The following MAPRE2 variants were observed in gnomAD, a reference collection of about 807,000 sequenced individuals.
MAPRE2 encodes the protein microtubule-associated protein RP/EB family member 2.
A neutral mutation model predicts 43.2 loss-of-function variants in MAPRE2; 13 were observed. The ratio of observed to expected loss-of-function variants is 0.30; its 90% confidence interval spans 0.20 to 0.48. The LOEUF is 0.48. Among genes scored for constraint, MAPRE2 ranks in the 20% least tolerant of loss-of-function variants. The pLI is 0.99. For synonymous variants in MAPRE2, 135 were observed against 148.8 expected, an observed-to-expected ratio of 0.91 and a Z score of 0.68; for missense variants, 161 against 400.2, an observed-to-expected ratio of 0.40 and a Z score of 5.10.
intron 6 of MAPRE2, among the ~76,000 whole-genome samples, chr18:35,136,634 CA>C (rs1255503584): frequency 6.6e-6 from 1 of 152,170 alleles, no homozygotes; most frequent in Admixed American, 6.5e-5. Context: ...ATGAGCAAAG[CA>C]GAGAAGAAAG....
chr18:35,092,328 A>G (rs1908191648), intron 2 of MAPRE2, among the ~76,000 whole-genome samples: 3 of 152,216 alleles, frequency 2.0e-5, no homozygotes, highest in African/African-American at 4.8e-5. Context: ...TTTGTAGCCA[A>G]CTGATTTTTG....
At chr18:35,038,517 A>G (rs2097051846), upstream of MAPRE2, among the ~76,000 whole-genome samples, 1 of 152,156 alleles carries the variant, frequency 6.6e-6, no homozygotes, top group African/African-American at 2.4e-5. Flanking sequence ...AGCCTATCCA[A>G]TGTCTCCCTT....
chr18:34,984,436 C>T (rs940361939), intron 1 of MAPRE2: 3 of 149,526 alleles, frequency 2.0e-5, no homozygotes, highest in African/African-American at 7.4e-5. Flanking sequence ...CAAAGGGATT[C>T]CTTTTTCACC....
chr18:35,020,344 C>T (rs796305258), intron 2 of MAPRE2, among the ~76,000 whole-genome samples: 22 of 152,194 alleles, frequency 1.4e-4, no homozygotes, highest in African/African-American at 5.3e-4. Context: ...TATGATTTTT[C>T]AAGGCAATGA....
intron 1 of MAPRE2, among the ~76,000 whole-genome samples, chr18:34,998,496 T>G (rs529667700): frequency 6.6e-6 from 1 of 152,008 alleles, no homozygotes; most frequent in East Asian, 1.9e-4. Context: ...CCCGCTAATT[T>G]TTTTATATTT....
chr18:35,067,281 AC>A (rs1264753730), intron 1 of MAPRE2, among the ~76,000 whole-genome samples: 9 of 152,168 alleles, frequency 5.9e-5, no homozygotes, highest in Non-Finnish European at 1.3e-4. Context: ...GCCTTGACTT[AC>A]CTTTGTGAGC....
At chr18:35,049,967 G>A (rs942603429) in intron 1 of MAPRE2, among the ~76,000 whole-genome samples, 1 of 152,056 alleles carries the variant, frequency 6.6e-6, no homozygotes, top group Non-Finnish European at 1.5e-5. Context: ...TTATTTATCT[G>A]TTTTGCTCTT....
chr18:35,020,418 G>T (rs1397164714), intron 2 of MAPRE2, among the ~76,000 whole-genome samples: 1 of 152,006 alleles, frequency 6.6e-6, no homozygotes, highest in Non-Finnish European at 1.5e-5. Flanking sequence ...TTCGCCCTTG[G>T]TGAGTGCCAT....
chr18:35,055,460 A>C (rs1377786510), intron 1 of MAPRE2, among the ~76,000 whole-genome samples: 1 of 152,084 alleles, frequency 6.6e-6, no homozygotes, highest in Non-Finnish European at 1.5e-5. Context: ...TCATATCTGC[A>C]AAGACCTTTT....
rs879118201 is a variant in MAPRE2 at position 35,041,463 on chromosome 18, G to A, written c.-77G>A. The A allele has an allele frequency of 7.5e-6, 12 of 1,609,904 alleles. No individual in the cohort carries two copies. The highest frequency in any genetic ancestry group is 2.7e-5 in the African/African-American group (2 of 74,894). On this transcript the variant is annotated 5_prime_UTR_variant, in exon 1 of 7. Transcript: ENST00000300249. ...CAGGCACGGTCCGTGCGGAGCAGGC[G>A]AGCGAGCGGGAAGACGCAGCCACCT...
At chr18:35,053,901 A>G (rs1906081922) in intron 1 of MAPRE2, among the ~76,000 whole-genome samples, 1 of 152,192 alleles carries the variant, frequency 6.6e-6, no homozygotes, top group Non-Finnish European at 1.5e-5. Flanking sequence ...GAGTTTACCT[A>G]TATAACAAAC....
intron 2 of MAPRE2, among the ~76,000 whole-genome samples, chr18:35,016,222 T>C (rs2097038167): frequency 6.6e-6 from 1 of 152,062 alleles, no homozygotes; most frequent in African/African-American, 2.4e-5. Context: ...CTAGGCAGAT[T>C]CCACATCTTC....
At chr18:35,077,270 CAT>C (rs10572516) in intron 2 of MAPRE2, among the ~76,000 whole-genome samples, 921 of 85,200 alleles carry the variant, frequency 0.011, 13 homozygotes, top group East Asian at 0.081. Flanking sequence ...CACACACACA[CAT>C]ACACACACAC....
intron 2 of MAPRE2, among the ~76,000 whole-genome samples, chr18:35,023,456 G>A (rs1014501510): frequency 6.6e-6 from 1 of 151,814 alleles, no homozygotes; most frequent in Non-Finnish European, 1.5e-5. Context: ...AGCTTGCAGT[G>A]AGCAGAGATT....
intron 1 of MAPRE2, among the ~76,000 whole-genome samples, chr18:34,997,230 G>C (rs560688176): frequency 6.6e-6 from 1 of 152,288 alleles, no homozygotes; most frequent in East Asian, 1.9e-4. Context: ...ATGAAAATTG[G>C]ATATTGCAAT....
intron 5 of MAPRE2, among the ~76,000 whole-genome samples, chr18:35,128,838 A>C (rs762026546): frequency 6.6e-6 from 1 of 152,104 alleles, no homozygotes; most frequent in Non-Finnish European, 1.5e-5. Flanking sequence ...AGCCCAAAGT[A>C]TAACCACGTG....
intron 1 of MAPRE2, among the ~76,000 whole-genome samples, chr18:35,066,202 C>T (rs1262271019): frequency 6.6e-6 from 1 of 152,128 alleles, no homozygotes; most frequent in Non-Finnish European, 1.5e-5. Flanking sequence ...TCCTACCTTC[C>T]ATAGGATGTT....
At chr18:35,080,235 G>T (rs1907565899) in intron 2 of MAPRE2, among the ~76,000 whole-genome samples, 1 of 152,182 alleles carries the variant, frequency 6.6e-6, no homozygotes, top group African/African-American at 2.4e-5. Flanking sequence ...TCTACACATT[G>T]CTTTATTTAT....
At chr18:35,047,171 A>G (rs940587594) in intron 1 of MAPRE2, among the ~76,000 whole-genome samples, 5 of 152,170 alleles carry the variant, frequency 3.3e-5, no homozygotes, top group Non-Finnish European at 5.9e-5. Context: ...TTCTTATTTT[A>G]GTCAATTTCA....
Sources: allele counts gnomAD v4.1 joint callset (sites outside exome capture counted in the v4.1 genomes callset), GRCh38; gene constraint gnomAD v4.1.1; transcripts MANE v1.5; gene names NCBI Gene and HGNC (gene_info 2026-07-23, HGNC 2026-07-21).